The following UTRN variants were observed in gnomAD, a reference collection of about 807,000 sequenced individuals.
UTRN encodes utrophin.
Under a neutral mutation model 463.9 loss-of-function variants are expected in UTRN, and 283 were observed. That is an observed-to-expected ratio of 0.61 (90% CI 0.55 to 0.67). The LOEUF is 0.67. Among genes scored for constraint, UTRN ranks in the 30% least tolerant of loss-of-function variants. UTRN has a pLI of 0.00. For synonymous variants in UTRN, 1,442 were observed against 1,431.5 expected (o/e 1.01, Z -0.17); for missense variants, 3,922 against 4,084.3 (o/e 0.96, Z 1.08).
At chr6:144,709,981 T>A (rs1785506062) in intron 53 of UTRN, among the ~76,000 whole-genome samples, 1 of 152,186 alleles carries the variant, frequency 6.6e-6, no homozygotes, top group Non-Finnish European at 1.5e-5. Context: ...TCCACACTAT[T>A]CACCAAATGT....
intron 26 of UTRN, among the ~76,000 whole-genome samples, chr6:144,482,004 A>G (rs900600680): frequency 5.3e-5 from 8 of 152,126 alleles, no homozygotes; most frequent in Non-Finnish European, 1.2e-4. Flanking sequence ...GTTGTAGTGA[A>G]CAAGACTCTA....
Position 144,490,089 on chromosome 6 carries a change from T to G in UTRN, c.4153T>G (p.Ser1385Ala). ...TTTTTAGAAAATCCAAGCAGAGATC[T>G]CAGCCCATGAGCTAACCCTAGAGGA... ...QEAQKIQAEI[S>A]AHELTLEELR... Residue 1385 changes from serine (S) to alanine (A), a missense_variant, in exon 31 of 75, where the codon TCA becomes GCA. Physicochemically the swap from Ser to Ala is moderately conservative, Grantham distance 99 (BLOSUM62 1). This residue lies in a region of UTRN where 2,349 missense variants were observed against 2,303.8 expected (regional missense o/e 1.02). Transcript: ENST00000367545. 6.2e-7 allele frequency: 1 copy of G among 1,611,434 alleles called. No individual in the cohort carries two copies. The highest frequency in any genetic ancestry group is 8.5e-7 in the Non-Finnish European group (1 of 1,179,148).
chr6:144,588,637 G>A (rs1000660581), intron 51 of UTRN, among the ~76,000 whole-genome samples: 2 of 152,152 alleles, frequency 1.3e-5, no homozygotes, highest in South Asian at 4.1e-4. Context: ...GTAACTTAAA[G>A]GGTTGATGAT....
rs117558772 is a variant in UTRN at position 144,553,427 on chromosome 6, T to C, written c.6929-1261T>C. Reference sequence around the variant, plus strand: ...ATGATAACTCAGCTGGAATGTTATCTTGTAGTTACGTTCCTCTTGGGCCTG... The same window carrying C: ...ATGATAACTCAGCTGGAATGTTATCCTGTAGTTACGTTCCTCTTGGGCCTG... On this transcript the variant is annotated intron_variant, in intron 48 of 74. Transcript: ENST00000367545. 8.6e-3 allele frequency among the ~76,000 whole-genome samples: 1,313 copies of C among 152,318 alleles called. 12 individuals are homozygous for C. The highest frequency in any genetic ancestry group is 0.029 in the South Asian group (139 of 4,828).
At chr6:144,639,476 A>G (rs1323871028) in intron 51 of UTRN, among the ~76,000 whole-genome samples, 1 of 152,128 alleles carries the variant, frequency 6.6e-6, no homozygotes, top group Non-Finnish European at 1.5e-5. Flanking sequence ...TGAGCTCTAA[A>G]TTATTATATG....
At chr6:144,493,251 A>G in intron 32 of UTRN, 50 bp from the exon 33 acceptor site, 2 of 1,589,118 alleles carry the variant, frequency 1.3e-6, no homozygotes, top group Non-Finnish European at 1.7e-6. Flanking sequence ...GCCAGTTGGC[A>G]AGTTGTCACC....
intron 57 of UTRN, 132 bp downstream of exon 57, chr6:144,754,930 A>G (rs1791825827): frequency 1.3e-6 from 1 of 766,420 alleles, no homozygotes; most frequent in Non-Finnish European, 2.0e-6. Context: ...AGGTACTAAC[A>G]TCAAAGAAAA....
At position 144,491,014 on chromosome 6, in the gene UTRN, T is replaced by C; in HGVS notation, c.4349T>C (p.Val1450Ala). 6.2e-7 allele frequency: 1 copy of C among 1,614,086 alleles called. No homozygotes were observed. The highest frequency in any genetic ancestry group is 8.5e-7 in the Non-Finnish European group (1 of 1,179,990). Reference protein sequence around the residue: ...FEQRMLDCKRVLDGVKAELHV... With the variant: ...FEQRMLDCKRALDGVKAELHV... ...CAGCGCATGCTGGACTGCAAGCGTG[T>C]GCTGGATGGCGTGAAAGCAGAACTT... The change falls in exon 32 of 75, where the codon GTG (valine) becomes GCG (alanine). Residue 1450 changes from valine (V) to alanine (A), a missense_variant. Coordinates refer to ENST00000367545, the MANE Select transcript of UTRN (RefSeq NM_007124.3).
chr6:144,690,012 C>CCAG (rs955405258), intron 52 of UTRN, among the ~76,000 whole-genome samples: 46 of 149,008 alleles, frequency 3.1e-4, no homozygotes, highest in African/African-American at 1.1e-3. Flanking sequence ...CTTATGTTAC[C>CCAG]CAGGGGAGGT....
intron 20 of UTRN, 29 bp downstream of exon 20, chr6:144,459,040 G>A (rs1789150213): frequency 1.9e-6 from 3 of 1,577,586 alleles, no homozygotes; most frequent in African/African-American, 1.4e-5. Flanking sequence ...GGAAAGTGGA[G>A]GAATTCTATG....
At chr6:144,668,934 A>G (rs2128677173) in intron 51 of UTRN, among the ~76,000 whole-genome samples, 1 of 152,340 alleles carries the variant, frequency 6.6e-6, no homozygotes, top group Non-Finnish European at 1.5e-5. Context: ...ATTGCCTGAA[A>G]TGCAAGTTTT....
chr6:144,368,378 C>T (rs1052146502), intron 2 of UTRN, among the ~76,000 whole-genome samples: 2 of 152,060 alleles, frequency 1.3e-5, no homozygotes, highest in African/African-American at 4.8e-5. Context: ...AAGCAATGGA[C>T]CAAATAATTT....
chr6:144,818,470 C>A (rs893651445), intron 65 of UTRN, among the ~76,000 whole-genome samples: 4 of 152,188 alleles, frequency 2.6e-5, no homozygotes, highest in Non-Finnish European at 5.9e-5. Context: ...TCACTCCACT[C>A]AGGGCTGTGA....
chr6:144,513,539 A>G (rs1177517292), intron 35 of UTRN, among the ~76,000 whole-genome samples: 1 of 152,070 alleles, frequency 6.6e-6, no homozygotes, highest in Non-Finnish European at 1.5e-5. Context: ...ACAGAGCAAG[A>G]CTCCATCTCA....
intron 39 of UTRN, among the ~76,000 whole-genome samples, chr6:144,520,476 T>C (rs1458464299): frequency 6.6e-6 from 1 of 152,234 alleles, no homozygotes; most frequent in Non-Finnish European, 1.5e-5. Context: ...TGACTAAAAT[T>C]TAAACTTGCG....
intron 26 of UTRN, 105 bp from the exon 27 acceptor site, chr6:144,482,104 G>A (rs1360447123): frequency 2.0e-6 from 2 of 984,876 alleles, no homozygotes; most frequent in African/African-American, 3.3e-5. Flanking sequence ...GAATCATCCA[G>A]ATGTTTTAAC....
At chr6:144,833,732 G>A (rs747849126) in intron 69 of UTRN, among the ~76,000 whole-genome samples, 13 of 152,246 alleles carry the variant, frequency 8.5e-5, no homozygotes, top group Non-Finnish European at 1.6e-4. Flanking sequence ...TCCAGGCATC[G>A]CTGACTTTGC....
intron 2 of UTRN, among the ~76,000 whole-genome samples, chr6:144,310,005 C>T (rs747725812): frequency 1.3e-5 from 2 of 152,202 alleles, no homozygotes; most frequent in African/African-American, 4.8e-5. Context: ...CTCATTAGCC[C>T]TCTCCACCCA....
rs538461056 is a variant in UTRN at position 144,761,106 on chromosome 6, T to C, written c.8495+3117T>C. On this transcript the variant is annotated intron_variant, in intron 58 of 74. Transcript: ENST00000367545. ...TAAATCTGAACTGAAAGAGTCTATA[T>C]AGTATAAACCCCTCTATTTGTTGAT... is the stretch of plus-strand genomic sequence containing the variant. Among the ~76,000 whole-genome samples the C allele has an allele frequency of 5.9e-5, 9 of 152,296 alleles. No homozygotes were observed. The South Asian group carries it at 1.0e-3, about 18-fold the overall frequency.
Sources: allele counts gnomAD v4.1 joint callset (sites outside exome capture counted in the v4.1 genomes callset), GRCh38; gene constraint gnomAD v4.1.1; regional missense constraint gnomAD v4.1.1; transcripts MANE v1.5; gene names NCBI Gene and HGNC (gene_info 2026-07-23, HGNC 2026-07-21).